PLEKHA1: variants seen among roughly 807,000 people sequenced by gnomAD.
PLEKHA1 encodes pleckstrin homology domain-containing family A member 1.
A neutral mutation model predicts 52.0 loss-of-function variants in PLEKHA1; 34 were observed. The ratio of observed to expected loss-of-function variants is 0.65; its 90% CI spans 0.50 to 0.87. The LOEUF (loss-of-function observed/expected upper bound fraction) is 0.87. Among genes scored for constraint, PLEKHA1 ranks in the 40% least tolerant of loss-of-function variants. The pLI, the probability that PLEKHA1 is intolerant of heterozygous loss-of-function variation, is 0.00. For synonymous variants in PLEKHA1, 163 were observed against 170.7 expected (o/e 0.95, Z 0.35); for missense variants, 497 against 504.2 (o/e 0.99, Z 0.14).
the PLEKHA1 span, chr10:122,438,889 AAAAT>A: frequency 1.3e-5 from 2 of 152,176 alleles, no homozygotes; most frequent in African/African-American, 4.8e-5. Context: ...AAATCGCAAA[AAAAT>A]CTCATAATGT....
At chr10:122,412,000 C>A (rs749445576) in intron 5 of PLEKHA1, 10 of 152,208 alleles carry the variant, frequency 6.6e-5, no homozygotes, top group Non-Finnish European at 4.4e-5. Context: ...ATTTTATTCA[C>A]AGCCTTAAAA....
intron 6 of PLEKHA1, among the ~76,000 whole-genome samples, chr10:122,415,093 TCATC>T (rs1248974964): frequency 1.3e-5 from 2 of 152,110 alleles, no homozygotes; most frequent in African/African-American, 4.8e-5. Flanking sequence ...AAACAACTGG[TCATC>T]CATCCATACC....
At chr10:122,379,633 G>A (rs2096587322) in intron 1 of PLEKHA1, among the ~76,000 whole-genome samples, 1 of 152,216 alleles carries the variant, frequency 6.6e-6, no homozygotes, top group African/African-American at 2.4e-5. Flanking sequence ...TGCTCTTGCA[G>A]AGTGGAAGGA....
Position 122,391,001 on chromosome 10 carries a change from A to C in PLEKHA1, c.-20-2180A>C, listed in dbSNP as rs555533346. Among the ~76,000 whole-genome samples the C allele has an allele frequency of 2.0e-5, 3 of 152,058 alleles. No homozygotes were observed. In the South Asian group the frequency reaches 6.2e-4, roughly 32 times the overall value. ...AATTATAGCCATCCTAGTGGGGGTGAAGTTTTATCTCATTGTGGTTTTTAT... is the reference window on the plus strand; with the variant it reads ...AATTATAGCCATCCTAGTGGGGGTGCAGTTTTATCTCATTGTGGTTTTTAT... On this transcript the variant is annotated intron_variant, in intron 1 of 11. Coordinates refer to ENST00000368990, the MANE Select transcript of PLEKHA1 (RefSeq NM_001001974.4).
At chr10:122,398,488 A>G (rs929034030) in intron 3 of PLEKHA1, among the ~76,000 whole-genome samples, 2 of 149,178 alleles carry the variant, frequency 1.3e-5, no homozygotes, top group Non-Finnish European at 3.0e-5. Context: ...ACTATTTTTT[A>G]TTTTTTAAAA....
At chr10:122,389,561 A>G (rs1208088749) in intron 1 of PLEKHA1, among the ~76,000 whole-genome samples, 1 of 152,214 alleles carries the variant, frequency 6.6e-6, no homozygotes, top group Non-Finnish European at 1.5e-5. Flanking sequence ...TTAGTCAGGC[A>G]TGATGGCATG....
chr10:122,394,092 T>TTTTTTTTTTTTTTTTTTTTTTTTTTTTG (rs1554912535), intron 2 of PLEKHA1, among the ~76,000 whole-genome samples: 1 of 110,676 alleles, frequency 9.0e-6, no homozygotes, highest in Non-Finnish European at 2.0e-5. Flanking sequence ...TTTTTTTTTT[T>TTTTTTTTTTTTTTTTTTTTTTTTTTTTG]TTTGAGATGG....
Position 122,391,730 on chromosome 10 carries a change from A to G in PLEKHA1, c.-20-1451A>G, listed in dbSNP as rs191752798. On this transcript the variant is annotated intron_variant, in intron 1 of 11. Coordinates refer to ENST00000368990, the MANE Select transcript of PLEKHA1 (RefSeq NM_001001974.4). ...TATTGATTTTTCAAGCTTTGATTAC[A>G]TTGTAAACTTTTTTTTTTTTACAAA... Among the ~76,000 whole-genome samples, 26 of 151,512 alleles carry G rather than the reference A, an allele frequency of 1.7e-4. No homozygotes were observed. The East Asian group carries it at 4.8e-3, about 28-fold the overall frequency.
chr10:122,401,206 A>T (rs2096923923), intron 4 of PLEKHA1, among the ~76,000 whole-genome samples: 2 of 152,204 alleles, frequency 1.3e-5, no homozygotes, highest in African/African-American at 4.8e-5. Context: ...TAGAGAGTAA[A>T]AAGGCAGGCA....
At chr10:122,438,990 C>T in the PLEKHA1 span, 2 of 152,226 alleles carry the variant, frequency 1.3e-5, no homozygotes, top group African/African-American at 4.8e-5. Context: ...GTTGGACAAG[C>T]TTGCTCTAGT....
At chr10:122,412,838 G>A (rs1230896797) in intron 5 of PLEKHA1, 82 bp from the exon 6 acceptor site, 7 of 1,480,924 alleles carry the variant, frequency 4.7e-6, no homozygotes, top group Admixed American at 3.5e-5. Context: ...GCAAACGGAT[G>A]AATAATTAGA....
rs1156959462 is a variant in PLEKHA1, at chr10:122,429,671, C to T, written c.948C>T (p.Thr316=). The T allele has an allele frequency of 6.2e-7, 1 of 1,614,050 alleles. No individual in the cohort carries two copies. The change falls in exon 12 of 12, where the codon ACC becomes ACT. Residue 316 remains threonine (T), a synonymous_variant. Transcript: ENST00000368990. ...AATCCAAACACGCTTTCCGTCCTAC[C>T]AACGCAGCCACCGCCACCTCACATT... ...PSESKHAFRP[T]NAATATSHST... is the part of the protein sequence containing the mutation.
chr10:122,417,909 T>C lies in PLEKHA1; in HGVS notation c.622T>C (p.Trp208Arg). Residue 208 changes from tryptophan (W) to arginine (R), a missense_variant, in exon 8 of 12, where the codon TGG (tryptophan) becomes CGG (arginine). Transcript: ENST00000368990. ...TGTTCATCTCTGGTAGATGAAAAACTGGAAGAGAAGATATTTTCAATTGGA... is the reference window on the plus strand; with the variant it reads ...TGTTCATCTCTGGTAGATGAAAAACCGGAAGAGAAGATATTTTCAATTGGA... Reference protein sequence around the residue: ...CVKQGAVMKNWKRRYFQLDEN... With the variant: ...CVKQGAVMKNRKRRYFQLDEN... 1 of 1,610,900 alleles carries C rather than the reference T, an allele frequency of 6.2e-7. No individual in the cohort carries two copies. The highest frequency in any genetic ancestry group is 8.5e-7 in the Non-Finnish European group (1 of 1,177,740).
At chr10:122,377,065 GTGTGAT>G (rs2096548749) in intron 1 of PLEKHA1, among the ~76,000 whole-genome samples, 1 of 152,120 alleles carries the variant, frequency 6.6e-6, no homozygotes, top group Non-Finnish European at 1.5e-5. Context: ...TATTTTAATT[GTGTGAT>G]AATTTGTAAC....
chr10:122,410,480 A>G (rs901313059), intron 5 of PLEKHA1, among the ~76,000 whole-genome samples: 1 of 152,182 alleles, frequency 6.6e-6, no homozygotes, highest in Non-Finnish European at 1.5e-5. Context: ...GAAAATGTCT[A>G]TCTTAATGGC....
At chr10:122,382,187 C>T (rs2096624206) in intron 1 of PLEKHA1, among the ~76,000 whole-genome samples, 1 of 152,168 alleles carries the variant, frequency 6.6e-6, no homozygotes, top group Non-Finnish European at 1.5e-5. Context: ...TGATTTAGTG[C>T]ATTCACAGTT....
chr10:122,386,987 T>C (rs915163140), intron 1 of PLEKHA1: 9 of 152,216 alleles, frequency 5.9e-5, no homozygotes, highest in Non-Finnish European at 1.3e-4. Context: ...CAAATTTGTT[T>C]GCATGAATTC....
At chr10:122,378,805 A>G (rs1036040987) in intron 1 of PLEKHA1, among the ~76,000 whole-genome samples, 1 of 151,750 alleles carries the variant, frequency 6.6e-6, no homozygotes, top group Non-Finnish European at 1.5e-5. Context: ...TGAACATTCA[A>G]TCTCATATAT....
intron 1 of PLEKHA1, among the ~76,000 whole-genome samples, chr10:122,381,110 C>T (rs2096608626): frequency 6.6e-6 from 1 of 152,150 alleles, no homozygotes; most frequent in Non-Finnish European, 1.5e-5. Context: ...TGAGTGAACA[C>T]TTGAATAAAT....
Sources: gnomAD v4.1 joint callset for allele counts (sites outside exome capture counted in the v4.1 genomes callset) on GRCh38, gnomAD v4.1.1 for gene constraint, MANE v1.5 for transcripts, NCBI Gene and HGNC (gene_info 2026-07-23, HGNC 2026-07-21) for gene names.